Variants in VGLL4 observed in about 807,000 individuals in gnomAD.
VGLL4 encodes vestigial like family member 4.
In VGLL4, 7 loss-of-function variants were observed where a neutral mutation model predicts 21.0. The ratio of observed to expected loss-of-function variants is 0.33; its 90% CI spans 0.19 to 0.63. VGLL4 has a LOEUF of 0.63. Among genes scored for constraint, VGLL4 ranks in the 20% least tolerant of loss-of-function variants. VGLL4 has a pLI of 0.78. For missense variants in VGLL4, 394 were observed against 425.7 expected, an observed-to-expected ratio of 0.93 and a Z score of 0.66; for synonymous variants, 222 against 173.2, an observed-to-expected ratio of 1.28 and a Z score of -2.21.
chr3:11,619,835 C>T (rs1484410261), intron 1 of VGLL4, among the ~76,000 whole-genome samples: 1 of 152,168 alleles, frequency 6.6e-6, no homozygotes, highest in Non-Finnish European at 1.5e-5. Context: ...TAACTCGAGT[C>T]TCCTTTCTTT....
chr3:11,634,605 T>A (rs1369218021), intron 1 of VGLL4, among the ~76,000 whole-genome samples: 1 of 152,084 alleles, frequency 6.6e-6, no homozygotes, highest in Non-Finnish European at 1.5e-5. Context: ...AGGAGCTCCA[T>A]CAAGCCCCTC....
At chr3:11,665,558 C>T (rs1223438361) in intron 2 of VGLL4, among the ~76,000 whole-genome samples, 2 of 152,344 alleles carry the variant, frequency 1.3e-5, no homozygotes, top group Middle Eastern at 3.4e-3. Flanking sequence ...AAAGAGCCTG[C>T]TGAGCAGCTG....
chr3:11,709,901 C>T (rs895787242), intron 1 of VGLL4, among the ~76,000 whole-genome samples: 13 of 152,044 alleles, frequency 8.6e-5, no homozygotes, highest in African/African-American at 2.2e-4. Context: ...CCTGAGGCTG[C>T]GTAATTTATA....
At chr3:11,595,657 T>TA (rs1455242973) in intron 2 of VGLL4, among the ~76,000 whole-genome samples, 14 of 152,032 alleles carry the variant, frequency 9.2e-5, no homozygotes, top group Non-Finnish European at 8.8e-5. Context: ...TATGCAGCCA[T>TA]AAAAAATGAT....
At position 11,669,051 on chromosome 3, in the gene VGLL4, C is replaced by A. The variant is rs540051703; in HGVS notation, c.64+33920G>T. 2.6e-5 allele frequency among the ~76,000 whole-genome samples: 4 copies of A among 152,352 alleles called. No individual in the cohort carries two copies. The South Asian group carries it at 8.3e-4, about 32-fold the overall frequency. On this transcript the variant is annotated intron_variant, in intron 2 of 5. Transcript: ENST00000273038. ...TAGACTGTGATTCATATTTAAATGT[C>A]TTTTTCTCCTCTGCTGGGCAGTGTG...
chr3:11,647,685 T>G (rs541896293), upstream of VGLL4, among the ~76,000 whole-genome samples: 1 of 152,322 alleles, frequency 6.6e-6, no homozygotes, highest in Admixed American at 6.5e-5. Context: ...TATATGTGCT[T>G]CTTTCCTAGC....
intron 2 of VGLL4, among the ~76,000 whole-genome samples, chr3:11,700,351 G>A (rs940176475): frequency 1.3e-5 from 2 of 152,182 alleles, no homozygotes; most frequent in Non-Finnish European, 2.9e-5. Flanking sequence ...GTTGGGCATT[G>A]TAAAAGAGAG....
chr3:11,572,971 C>T (rs554351050), intron 2 of VGLL4, among the ~76,000 whole-genome samples: 11 of 152,000 alleles, frequency 7.2e-5, no homozygotes, highest in South Asian at 2.1e-4. Flanking sequence ...AGTTTGAGAC[C>T]GGCCTGACCA....
intron 1 of VGLL4, chr3:11,604,510 A>T (rs1452899511): frequency 1.1e-6 from 1 of 951,012 alleles, no homozygotes; most frequent in Non-Finnish European, 1.2e-6. Flanking sequence ...GCCCCTCCCT[A>T]GATGGCCTTA....
intron 1 of VGLL4, chr3:11,632,991 T>C (rs1171968197): frequency 2.0e-5 from 3 of 152,202 alleles, no homozygotes; most frequent in African/African-American, 7.2e-5. Context: ...ACTTCAAATG[T>C]TTTCCTACAG....
Position 11,653,238 on chromosome 3 carries a change from T to C in VGLL4, c.64+49733A>G, listed in dbSNP as rs909272332. ...GGTGCCGTCCAGGAAAGAGAAATCA[T>C]GGCTGTTATTTATATAGGGAGAATT... is the stretch of plus-strand genomic sequence containing the variant. On this transcript the variant is annotated intron_variant, in intron 2 of 5. Coordinates refer to the VGLL4 transcript ENST00000273038. This position sits in a 1 kb window ranked among gnomAD's most constrained non-coding sequence, Gnocchi z 4.2. Among the ~76,000 whole-genome samples the C allele has an allele frequency of 6.6e-6, 1 of 152,204 alleles. No individual in the cohort carries two copies. The highest frequency in any genetic ancestry group is 1.5e-5 in the Non-Finnish European group (1 of 68,032).
At position 11,643,864 on chromosome 3, in the gene VGLL4, C is replaced by A. The variant is rs2075743985; in HGVS notation, c.-346G>T. On this transcript the variant is annotated 5_prime_UTR_variant, in exon 1 of 5. Coordinates refer to ENST00000430365, the MANE Select transcript of VGLL4 (RefSeq NM_001128219.3). The stretch of plus-strand genomic sequence containing the variant: ...GCCCGTTTCCTAGGACAAAGCGGCG[C>A]CGGCCCCTCTCACAGCCCGCTGCAA... The A allele has an allele frequency of 9.7e-7, 1 of 1,028,012 alleles. No homozygotes were observed. 63.7% of individuals were successfully genotyped at this position (1,028,012 alleles called of 1,614,324 possible). A position where few individuals can be genotyped will look rare whatever the true frequency, so the allele number is the denominator to read the frequency against.
chr3:11,703,190 G>T, intron 1 of VGLL4: 1 of 707,456 alleles, frequency 1.4e-6, no homozygotes, highest in Non-Finnish European at 2.1e-6. Context: ...TGAGGAAACA[G>T]AATGGGCTTG....
intron 2 of VGLL4, among the ~76,000 whole-genome samples, chr3:11,595,129 C>G (rs1018999442): frequency 1.7e-4 from 26 of 152,172 alleles, no homozygotes; most frequent in Non-Finnish European, 2.8e-4. Flanking sequence ...TCATTGCACT[C>G]CAGCCTGGGC....
chr3:11,628,383 C>T (rs973426722), intron 1 of VGLL4, among the ~76,000 whole-genome samples: 4 of 148,362 alleles, frequency 2.7e-5, no homozygotes, highest in Non-Finnish European at 3.0e-5. Context: ...AGTGAAACTC[C>T]GTCTCAAAAA....
chr3:11,573,372 A>G (rs1247274996), intron 2 of VGLL4, among the ~76,000 whole-genome samples: 22 of 145,880 alleles, frequency 1.5e-4, no homozygotes, highest in Middle Eastern at 3.4e-3. Flanking sequence ...AGAAAGAAAG[A>G]AAGAAAGAAA....
chr3:11,558,159 C>A lies in VGLL4; in HGVS notation c.*397G>T. On this transcript the variant is annotated 3_prime_UTR_variant, in exon 5 of 5. Transcript: ENST00000430365. The stretch of plus-strand genomic sequence containing the variant: ...AACACGCCGTGGAAGCTGAGCCACA[C>A]ACACCCCGGTCTCAAGAAGCAAAGG... 4.0e-6 allele frequency: 1 copy of A among 250,982 alleles called. No homozygotes were observed. The highest frequency in any genetic ancestry group is 7.7e-6 in the Non-Finnish European group (1 of 129,406). 15.5% of individuals were successfully genotyped at this position (250,982 alleles called of 1,614,324 possible). A position where few individuals can be genotyped will look rare whatever the true frequency, so the allele number is the denominator to read the frequency against.
intron 2 of VGLL4, among the ~76,000 whole-genome samples, chr3:11,654,786 A>G (rs2075931450): frequency 6.6e-6 from 1 of 152,178 alleles, no homozygotes; most frequent in Non-Finnish European, 1.5e-5. Context: ...ACTGGCCTGA[A>G]ACCCCAGTGA....
At chr3:11,589,656 T>C (rs1039902447) in intron 2 of VGLL4, among the ~76,000 whole-genome samples, 10 of 152,262 alleles carry the variant, frequency 6.6e-5, no homozygotes, top group Admixed American at 4.6e-4. Flanking sequence ...CTTCGTGACT[T>C]AAACAGACGT....
Sources: allele counts gnomAD v4.1 joint callset (sites outside exome capture counted in the v4.1 genomes callset), GRCh38; gene constraint gnomAD v4.1.1; non-coding constraint Gnocchi (gnomAD v3.1); transcripts MANE v1.5; gene names NCBI Gene and HGNC (gene_info 2026-07-23, HGNC 2026-07-21).